DOCK10: variants seen among roughly 807,000 people sequenced by gnomAD.
The protein encoded by DOCK10 is dedicator of cytokinesis 10.
Under a neutral mutation model 280.1 loss-of-function variants are expected in DOCK10, and 145 were observed. The ratio of observed to expected loss-of-function variants is 0.52; its 90% CI spans 0.45 to 0.59. DOCK10 has a LOEUF of 0.59. Among genes scored for constraint, DOCK10 ranks in the 20% least tolerant of loss-of-function variants. The pLI, the probability that DOCK10 is intolerant of heterozygous loss-of-function variation, is 0.00. For missense variants in DOCK10, 2,368 were observed against 2,651.7 expected (o/e 0.89, Z 2.35); for synonymous variants, 915 against 942.2 (o/e 0.97, Z 0.53).
At chr2:224,953,502 C>A (rs1196437841) in intron 1 of DOCK10, among the ~76,000 whole-genome samples, 1 of 152,164 alleles carries the variant, frequency 6.6e-6, no homozygotes, top group Admixed American at 6.5e-5. Flanking sequence ...CTCAGCCCTG[C>A]AGAAGAGCTC....
intron 15 of DOCK10, among the ~76,000 whole-genome samples, chr2:224,856,101 A>G (rs1321725167): frequency 6.6e-6 from 1 of 152,204 alleles, no homozygotes; most frequent in East Asian, 1.9e-4. Context: ...GGCCATCAGT[A>G]GAAGTCCGTT....
At chr2:224,771,927 T>A (rs981062414) in intron 53 of DOCK10, among the ~76,000 whole-genome samples, 4 of 151,868 alleles carry the variant, frequency 2.6e-5, no homozygotes, top group South Asian at 2.1e-4. Context: ...CTTTTTTTTT[T>A]TTTTATTTTT....
chr2:225,003,353 C>T (rs1192469832), intron 1 of DOCK10, among the ~76,000 whole-genome samples: 1 of 152,188 alleles, frequency 6.6e-6, no homozygotes, highest in Non-Finnish European at 1.5e-5. Context: ...TGGAAGGTTA[C>T]ATTTTTCAGT....
At chr2:225,034,508 G>C (rs1175143307) in intron 1 of DOCK10, among the ~76,000 whole-genome samples, 1 of 152,138 alleles carries the variant, frequency 6.6e-6, no homozygotes, top group Non-Finnish European at 1.5e-5. Flanking sequence ...TGACACAAGG[G>C]CTGTCATTAT....
intron 55 of DOCK10, among the ~76,000 whole-genome samples, chr2:224,767,208 G>A (rs1000634711): frequency 3.9e-5 from 6 of 152,102 alleles, no homozygotes; most frequent in African/African-American, 1.4e-4. Flanking sequence ...TTGTCACCCA[G>A]GTTGGAGTGC....
At chr2:224,936,445 C>G (rs1702699444) in intron 1 of DOCK10, among the ~76,000 whole-genome samples, 1 of 151,954 alleles carries the variant, frequency 6.6e-6, no homozygotes, top group African/African-American at 2.4e-5. Context: ...GAGTTTGAGC[C>G]CAGAATACCC....
intron 14 of DOCK10, chr2:224,861,751 C>G (rs1270808053): frequency 6.6e-6 from 1 of 152,162 alleles, no homozygotes; most frequent in African/African-American, 2.4e-5. Flanking sequence ...TTATTTGCCA[C>G]CACACCTGGC....
intron 1 of DOCK10, among the ~76,000 whole-genome samples, chr2:225,036,622 C>T (rs747735217): frequency 2.0e-5 from 3 of 152,182 alleles, no homozygotes; most frequent in Admixed American, 6.5e-5. Context: ...TTGGACAACA[C>T]TCTCAATGAC....
At position 224,852,911 on chromosome 2, in the gene DOCK10, A is replaced by G. The variant is rs538512350; in HGVS notation, c.2076+24T>C. 7.8e-6 allele frequency: 12 copies of G among 1,528,844 alleles called. No individual in the cohort carries two copies. The South Asian group carries it at 1.4e-4, about 18-fold the overall frequency. The allele number at this position is 1,528,844 out of a possible 1,614,324, so 94.7% of individuals were successfully genotyped here. Reference sequence around the variant, plus strand: ...CTAAATACGGTGAAAAGAAAAGATGATATCTCTGGAACTTATATCATACCT... The same window carrying G: ...CTAAATACGGTGAAAAGAAAAGATGGTATCTCTGGAACTTATATCATACCT... On this transcript the variant is annotated intron_variant, in intron 17 of 55. Transcript: ENST00000258390.
At chr2:225,037,120 A>G (rs1465946288) in intron 1 of DOCK10, among the ~76,000 whole-genome samples, 4 of 152,190 alleles carry the variant, frequency 2.6e-5, no homozygotes, top group African/African-American at 7.2e-5. Context: ...GGGGTAAGCA[A>G]TTGAGAATGG....
chr2:224,961,484 C>CTT lies in DOCK10; in HGVS notation c.124-29817_124-29816insAA, dbSNP rs1412409913. Among the ~76,000 whole-genome samples the CTT allele has an allele frequency of 1.0e-4, 7 of 67,196 alleles. No homozygotes were observed. The East Asian group carries it at 1.6e-3, about 15-fold the overall frequency. 44.1% of individuals were successfully genotyped at this position (67,196 alleles called of 152,430 possible). ...TTTCTTTCTTTTTCTTTCTTTCTTT[C>CTT]TCTTTCTTTCCTTCCTTCCTTCTTT... On this transcript the variant is annotated intron_variant, in intron 1 of 55. Transcript: ENST00000258390.
chr2:225,035,665 G>A (rs1382076362), intron 1 of DOCK10, among the ~76,000 whole-genome samples: 3 of 139,466 alleles, frequency 2.2e-5, no homozygotes, highest in African/African-American at 9.1e-5. Flanking sequence ...AGTGTTAATT[G>A]TGTGTTGTAT....
At chr2:224,852,187 T>G (rs552126181) in intron 18 of DOCK10, among the ~76,000 whole-genome samples, 190 bp downstream of exon 18, 3 of 152,170 alleles carry the variant, frequency 2.0e-5, no homozygotes, top group Non-Finnish European at 4.4e-5. Context: ...CTAAAAGAGC[T>G]ATGAGAGAGG....
intron 51 of DOCK10, 61 bp from the exon 52 acceptor site, chr2:224,775,176 A>C: frequency 6.7e-7 from 1 of 1,493,230 alleles, no homozygotes; most frequent in Non-Finnish European, 9.3e-7. Flanking sequence ...GAAAGCGGGA[A>C]GCTCCCATTC....
chr2:224,997,702 T>C (rs11896066), intron 1 of DOCK10, among the ~76,000 whole-genome samples: 8,185 of 152,162 alleles, frequency 0.054, 343 homozygotes, highest in African/African-American at 0.11. Context: ...TAGGAGTACA[T>C]GCAGCACCCA....
chr2:224,879,915 T>C (rs936752774), intron 7 of DOCK10, among the ~76,000 whole-genome samples: 5 of 151,676 alleles, frequency 3.3e-5, no homozygotes, highest in African/African-American at 1.2e-4. Context: ...AACAAACAAA[T>C]GAAAGAATTT....
At chr2:224,927,549 T>G (rs1275190449) in intron 2 of DOCK10, among the ~76,000 whole-genome samples, 5 of 152,170 alleles carry the variant, frequency 3.3e-5, no homozygotes, top group Non-Finnish European at 7.3e-5. Context: ...ACTTTTAATA[T>G]ATACAGTCAC....
At chr2:224,948,049 T>C (rs1281051524) in intron 1 of DOCK10, among the ~76,000 whole-genome samples, 2 of 152,182 alleles carry the variant, frequency 1.3e-5, no homozygotes, top group Non-Finnish European at 2.9e-5. Context: ...ATATACAATA[T>C]AGGAGTATGT....
At chr2:224,855,315 T>C (rs1697051429) in intron 15 of DOCK10, among the ~76,000 whole-genome samples, 1 of 152,250 alleles carries the variant, frequency 6.6e-6, no homozygotes, top group African/African-American at 2.4e-5. Flanking sequence ...TATTTCCTTC[T>C]ACTTCAGATA....
Sources: gnomAD v4.1 joint callset for allele counts (sites outside exome capture counted in the v4.1 genomes callset) on GRCh38, gnomAD v4.1.1 for gene constraint, MANE v1.5 for transcripts, NCBI Gene and HGNC (gene_info 2026-07-23, HGNC 2026-07-21) for gene names.